Variants in ANKRD50 observed in about 807,000 individuals in gnomAD.
The protein encoded by ANKRD50 is ankyrin repeat domain-containing protein 50.
Under a neutral mutation model 112.0 loss-of-function variants are expected in ANKRD50, and 40 were observed. That is an observed-to-expected ratio of 0.36 (90% confidence interval 0.28 to 0.46). The LOEUF (loss-of-function observed/expected upper bound fraction) is 0.46. Ranked by LOEUF, ANKRD50 falls within the 20% of genes least tolerant of loss-of-function variation. ANKRD50 has a pLI of 1.00. For synonymous variants in ANKRD50, 613 were observed against 619.1 expected (o/e 0.99, Z 0.15); for missense variants, 1,487 against 1,701.7 (o/e 0.87, Z 2.22).
Position 124,671,954 on chromosome 4 carries a change from G to A in ANKRD50, c.1323C>T (p.Thr441=), listed in dbSNP as rs773314202. 6 of 1,613,860 alleles carry A rather than the reference G, an allele frequency of 3.7e-6. No individual in the cohort carries two copies. The South Asian group carries it at 4.4e-5, about 12-fold the overall frequency. Residue 441 remains threonine, a synonymous_variant, in exon 4 of 5, where the codon ACC becomes ACT. Transcript: ENST00000504087. ...ATGGTGTTAAATTCTTGGCTTGACAGGTATAACTCATAGCCAACATTCTGT... is the reference window on the plus strand; with the variant it reads ...ATGGTGTTAAATTCTTGGCTTGACAAGTATAACTCATAGCCAACATTCTGT... The part of the protein sequence containing the change: ...EGHRMLAMSY[T]CQAKNLTPLE...
intron 2 of ANKRD50, among the ~76,000 whole-genome samples, chr4:124,700,151 G>C (rs1056939542): frequency 1.3e-5 from 2 of 152,174 alleles, no homozygotes; most frequent in African/African-American, 4.8e-5. Flanking sequence ...CAATGTTAAA[G>C]ATGGTACCTA....
chr4:124,709,383 C>A (rs1725577638), intron 2 of ANKRD50, among the ~76,000 whole-genome samples: 1 of 152,040 alleles, frequency 6.6e-6, no homozygotes, highest in South Asian at 2.1e-4. Flanking sequence ...TAGGAAAAAA[C>A]ACTTTCTTTG....
intron 2 of ANKRD50, among the ~76,000 whole-genome samples, chr4:124,693,084 T>C (rs1725172653): frequency 6.6e-6 from 1 of 152,210 alleles, no homozygotes; most frequent in Non-Finnish European, 1.5e-5. Context: ...CTCTTCTTAA[T>C]TATTGTGTTA....
intron 3 of ANKRD50, among the ~76,000 whole-genome samples, chr4:124,674,340 T>C (rs951969686): frequency 1.3e-5 from 2 of 151,922 alleles, no homozygotes; most frequent in African/African-American, 4.8e-5. Context: ...GATGTCATGA[T>C]TGGAACTTGA....
At chr4:124,680,250 C>A (rs1218557315) in intron 2 of ANKRD50, among the ~76,000 whole-genome samples, 1 of 151,876 alleles carries the variant, frequency 6.6e-6, no homozygotes, top group Non-Finnish European at 1.5e-5. Context: ...ATCAGTATAC[C>A]CCTAGAACCT....
At chr4:124,709,165 G>A (rs1234956288) in intron 2 of ANKRD50, among the ~76,000 whole-genome samples, 1 of 151,540 alleles carries the variant, frequency 6.6e-6, no homozygotes, top group African/African-American at 2.4e-5. Context: ...AAAGCTTATG[G>A]CAAAATGGGT....
Position 124,669,082 on chromosome 4 carries a change from A to C in ANKRD50, c.4195T>G (p.Ser1399Ala), listed in dbSNP as rs766708715. The C allele has an allele frequency of 1.9e-6, 3 of 1,613,440 alleles. No homozygotes were observed. The African/African-American group carries it at 4.0e-5, about 22-fold the overall frequency. ...GHQEVLEGYP[S>A]SETELSLKQA... is the part of the protein sequence containing the mutation. Reference sequence around the variant, plus strand: ...TTAAGGCTTAATTCTGTCTCTGAGGAAGGGTATCCCTCCAACACTTCCTGA... The same window carrying C: ...TTAAGGCTTAATTCTGTCTCTGAGGCAGGGTATCCCTCCAACACTTCCTGA... Residue 1399 changes from serine (S) to alanine (A), a missense_variant, in exon 4 of 5, where the codon TCC becomes GCC. By Grantham distance (99) the Ser-to-Ala change is moderately conservative (BLOSUM62 1). Coordinates refer to ENST00000504087, the MANE Select transcript of ANKRD50 (RefSeq NM_020337.3).
At chr4:124,692,641 T>TA (rs1376684964) in intron 2 of ANKRD50, among the ~76,000 whole-genome samples, 2 of 152,104 alleles carry the variant, frequency 1.3e-5, no homozygotes, top group African/African-American at 2.4e-5. Context: ...TAATGTTCTA[T>TA]AAGAGACCCC....
At chr4:124,709,614 A>C (rs2110531059) in intron 2 of ANKRD50, among the ~76,000 whole-genome samples, 1 of 152,194 alleles carries the variant, frequency 6.6e-6, no homozygotes, top group South Asian at 2.1e-4. Flanking sequence ...GAAAAAAATA[A>C]AAAGATACTA....
chr4:124,698,741 C>T (rs1486634528), intron 2 of ANKRD50, among the ~76,000 whole-genome samples: 1 of 152,148 alleles, frequency 6.6e-6, no homozygotes, highest in Admixed American at 6.6e-5. Context: ...ACTGAATGCA[C>T]AAACCATCCA....
chr4:124,704,474 A>G (rs1046252487), intron 2 of ANKRD50, among the ~76,000 whole-genome samples: 1 of 152,230 alleles, frequency 6.6e-6, no homozygotes, highest in Non-Finnish European at 1.5e-5. Flanking sequence ...ATGCCATATT[A>G]ATACATGGTA....
intron 3 of ANKRD50, among the ~76,000 whole-genome samples, chr4:124,678,395 A>C (rs1462984669): frequency 6.6e-6 from 1 of 152,298 alleles, no homozygotes; most frequent in Non-Finnish European, 1.5e-5. Flanking sequence ...TCATGATACA[A>C]CAACATAACA....
At position 124,665,534 on chromosome 4, in the gene ANKRD50, C is replaced by A. The variant is rs1313558741; in HGVS notation, c.*1984G>T. On this transcript the variant is annotated 3_prime_UTR_variant, in exon 5 of 5. Transcript: ENST00000504087. ...TTACATGTAATAGAAATTAGAGCTT[C>A]ATCCTCTACAGTAATGTAAATGTAC... The A allele has an allele frequency of 2.0e-5, 3 of 152,380 alleles. No homozygotes were observed. Among genetic ancestry groups the A allele is most frequent in the Non-Finnish European group, 4.4e-5 (3 of 67,882 alleles). 9.4% of individuals were successfully genotyped at this position (152,380 alleles called of 1,614,324 possible). A position where few individuals can be genotyped will look rare whatever the true frequency, so the allele number is the denominator to read the frequency against.
chr4:124,673,312 T>C (rs893378296), intron 3 of ANKRD50, among the ~76,000 whole-genome samples: 3 of 152,152 alleles, frequency 2.0e-5, no homozygotes, highest in Non-Finnish European at 2.9e-5. Context: ...TATTAGACAA[T>C]TGTGTATTCA....
rs1730506792 is a variant in ANKRD50 at position 124,666,992 on chromosome 4, T to TTTTATC, written c.*525_*526insGATAAA. The TTTTATC allele has an allele frequency of 6.6e-6, 1 of 151,994 alleles. No individual in the cohort carries two copies. Among genetic ancestry groups the TTTTATC allele is most frequent in the African/African-American group, 2.4e-5 (1 of 41,418 alleles). The allele number at this position is 151,994 out of a possible 1,614,324, so 9.4% of individuals were successfully genotyped here. ...ATAGAAAATGATTTTTATCCAATGC[T>TTTTATC]GAAGGTGTAGTGAACATAGAACAGT... On this transcript the variant is annotated 3_prime_UTR_variant, in exon 5 of 5. Coordinates refer to ENST00000504087, the MANE Select transcript of ANKRD50 (RefSeq NM_020337.3).
intron 2 of ANKRD50, among the ~76,000 whole-genome samples, chr4:124,704,837 G>A (rs1215761582): frequency 6.6e-6 from 1 of 152,212 alleles, no homozygotes; most frequent in Non-Finnish European, 1.5e-5. Context: ...GCTCACGCCT[G>A]TAATCCCAGC....
At chr4:124,684,945 A>G (rs1341046884) in intron 2 of ANKRD50, among the ~76,000 whole-genome samples, 1 of 152,128 alleles carries the variant, frequency 6.6e-6, no homozygotes, top group East Asian at 1.9e-4. Context: ...TCTACCAAGA[A>G]AGCTCCCTCG....
chr4:124,698,272 A>G (rs1725298549), intron 2 of ANKRD50, among the ~76,000 whole-genome samples: 1 of 152,200 alleles, frequency 6.6e-6, no homozygotes, highest in Non-Finnish European at 1.5e-5. Context: ...AGTTAATGTA[A>G]GGCAGACTAT....
chr4:124,684,112 T>C (rs1242308262), intron 2 of ANKRD50, among the ~76,000 whole-genome samples: 1 of 152,188 alleles, frequency 6.6e-6, no homozygotes, highest in African/African-American at 2.4e-5. Context: ...TTTAAGGCAA[T>C]ATATTTGGTC....
Sources: allele counts gnomAD v4.1 joint callset (sites outside exome capture counted in the v4.1 genomes callset), GRCh38; gene constraint gnomAD v4.1.1; transcripts MANE v1.5; gene names NCBI Gene and HGNC (gene_info 2026-07-23, HGNC 2026-07-21).